STK32B: variants seen among roughly 807,000 people sequenced by gnomAD.
STK32B encodes the protein serine/threonine-protein kinase 32B.
A neutral mutation model predicts 52.6 loss-of-function variants in STK32B; 43 were observed. The ratio of observed to expected loss-of-function variants is 0.82; its 90% confidence interval spans 0.64 to 1.05. The LOEUF is 1.05. Among genes scored for constraint, STK32B ranks in the 50% least tolerant of loss-of-function variants. STK32B has a pLI of 0.00. For missense variants in STK32B, 621 were observed against 534.6 expected, an observed-to-expected ratio of 1.16 and a Z score of -1.59; for synonymous variants, 238 against 204.3, an observed-to-expected ratio of 1.17 and a Z score of -1.41.
At position 5,207,595 on chromosome 4, in the gene STK32B, T is replaced by C. The variant is rs114290716; in HGVS notation, c.260+39145T>C. Among the ~76,000 whole-genome samples the C allele has an allele frequency of 8.2e-3, 1,250 of 152,064 alleles. 16 individuals are homozygous for C. Among genetic ancestry groups the C allele is most frequent in the African/African-American group, 0.028 (1,168 of 41,520 alleles). ...AGTATGAAAATGGACTAATACACCC[T>C]GTGACACCTGTCCCAGTCCGCGAGG... On this transcript the variant is annotated intron_variant, in intron 3 of 11. Transcript: ENST00000282908.
chr4:5,351,416 T>C (rs758524021), intron 4 of STK32B, among the ~76,000 whole-genome samples: 7 of 151,756 alleles, frequency 4.6e-5, no homozygotes, highest in Admixed American at 1.3e-4. Flanking sequence ...TTAAAACAAA[T>C]GAAAACCAAG....
At chr4:5,212,086 G>A (rs1722938359) in intron 3 of STK32B, among the ~76,000 whole-genome samples, 2 of 152,178 alleles carry the variant, frequency 1.3e-5, no homozygotes, top group Admixed American at 1.3e-4. Context: ...CAGGACACAG[G>A]CGATTTTATT....
intron 2 of STK32B, among the ~76,000 whole-genome samples, chr4:5,163,262 G>A (rs1718584925): frequency 6.6e-6 from 1 of 152,172 alleles, no homozygotes; most frequent in African/African-American, 2.4e-5. Context: ...AACAGGAACT[G>A]AGTTGGCAAG....
intron 11 of STK32B, among the ~76,000 whole-genome samples, chr4:5,495,849 C>T (rs1285207737): frequency 6.6e-6 from 1 of 152,150 alleles, no homozygotes; most frequent in Non-Finnish European, 1.5e-5. Context: ...CACTCCAGAC[C>T]CTGTTTGCCT....
At chr4:5,035,126 A>G in the STK32B span, among the ~76,000 whole-genome samples, 97 of 152,292 alleles carry the variant, frequency 6.4e-4, no homozygotes, top group East Asian at 0.015. Flanking sequence ...GCCACTTACC[A>G]GCAACAGAAC....
chr4:5,043,858 T>A, the STK32B span, among the ~76,000 whole-genome samples: 1 of 152,218 alleles, frequency 6.6e-6, no homozygotes, highest in Non-Finnish European at 1.5e-5. Flanking sequence ...CTTCTCGGGC[T>A]CCCAGCCCAG....
chr4:5,223,831 A>AAT (rs1018674056), intron 3 of STK32B, among the ~76,000 whole-genome samples: 2 of 151,656 alleles, frequency 1.3e-5, no homozygotes, highest in African/African-American at 4.8e-5. Context: ...AAAAAAAAAA[A>AAT]AAAAGTAACA....
At position 5,416,780 on chromosome 4, in the gene STK32B, C is replaced by T. The variant is rs900619118; in HGVS notation, c.473-65C>T. On this transcript the variant is annotated intron_variant, in intron 5 of 11. Transcript: ENST00000282908. Reference sequence around the variant, plus strand: ...TCACGGTATCTCACCTTGCAAACCACAGCTTTAAATAACCCAGCTGCCTGC... The same window carrying T: ...TCACGGTATCTCACCTTGCAAACCATAGCTTTAAATAACCCAGCTGCCTGC... The T allele has an allele frequency of 1.1e-5, 16 of 1,439,714 alleles. No homozygotes were observed. The South Asian group carries it at 1.1e-4, about 10-fold the overall frequency. 89.2% of individuals were successfully genotyped at this position (1,439,714 alleles called of 1,614,324 possible). A position where few individuals can be genotyped will look rare whatever the true frequency, so the allele number is the denominator to read the frequency against.
intron 1 of STK32B, among the ~76,000 whole-genome samples, chr4:5,066,677 C>G (rs927238102): frequency 6.6e-6 from 1 of 152,200 alleles, no homozygotes; most frequent in African/African-American, 2.4e-5. Flanking sequence ...GTCCCATAAA[C>G]TTAGCTATTT....
intron 4 of STK32B, chr4:5,345,306 TCTC>T (rs966032273): frequency 6.1e-5 from 8 of 130,582 alleles, no homozygotes; most frequent in East Asian, 2.6e-4. Context: ...AAGTTATAAT[TCTC>T]CTTTTTTTTT....
chr4:5,316,217 A>AGT (rs1422969874), intron 3 of STK32B, among the ~76,000 whole-genome samples: 13 of 70,272 alleles, frequency 1.8e-4, no homozygotes, highest in African/African-American at 9.8e-4. Flanking sequence ...TATATTACAT[A>AGT]ATATATTATA....
At chr4:5,122,660 T>TTCACTCATTCATTTACTCATTCAC (rs1715130340) in intron 1 of STK32B, among the ~76,000 whole-genome samples, 1 of 152,188 alleles carries the variant, frequency 6.6e-6, no homozygotes, top group Non-Finnish European at 1.5e-5. Context: ...CATTCATTCA[T>TTCACTCATTCATTTACTCATTCAC]TCACTCATTC....
intron 1 of STK32B, among the ~76,000 whole-genome samples, chr4:5,126,119 C>G (rs1203512956): frequency 6.6e-6 from 1 of 152,228 alleles, no homozygotes; most frequent in Non-Finnish European, 1.5e-5. Context: ...GTCTGTTTGT[C>G]TTCTCATACC....
intron 3 of STK32B, among the ~76,000 whole-genome samples, chr4:5,237,073 G>A (rs567402846): frequency 2.6e-5 from 4 of 152,274 alleles, no homozygotes; most frequent in Admixed American, 2.6e-4. Context: ...TGGGGCACAC[G>A]GAGAAAAAAG....
At chr4:5,292,413 T>C (rs1202406771) in intron 3 of STK32B, among the ~76,000 whole-genome samples, 2 of 152,180 alleles carry the variant, frequency 1.3e-5, no homozygotes, top group Non-Finnish European at 2.9e-5. Flanking sequence ...AGCAGTTTTT[T>C]CATGTTTGTT....
chr4:5,076,507 G>A (rs929319794), intron 1 of STK32B, among the ~76,000 whole-genome samples: 1 of 152,062 alleles, frequency 6.6e-6, no homozygotes, highest in African/African-American at 2.4e-5. Context: ...AAAGCATAGG[G>A]GCATTTTTAA....
intron 5 of STK32B, among the ~76,000 whole-genome samples, chr4:5,404,773 A>G (rs1737543748): frequency 1.3e-5 from 2 of 150,800 alleles, no homozygotes; most frequent in African/African-American, 2.4e-5. Context: ...GCCACATTCT[A>G]TGGTAATGGG....
In STK32B at chr4:5,274,892, C is replaced by A. The variant is rs183909131; in HGVS notation, c.261-56328C>A. Among the ~76,000 whole-genome samples, 546 of 152,310 alleles carry A rather than the reference C, an allele frequency of 3.6e-3. 2 individuals carry two copies. The highest frequency in any genetic ancestry group is 0.012 in the African/African-American group (490 of 41,566). On this transcript the variant is annotated intron_variant, in intron 3 of 11. Coordinates refer to ENST00000282908, the MANE Select transcript of STK32B (RefSeq NM_018401.3). Reference sequence around the variant, plus strand: ...CCGCTATGCTCCTGATCCAGCGAGGCGCCCATTGCCACTCCTGATCGGGCT... The same window carrying A: ...CCGCTATGCTCCTGATCCAGCGAGGAGCCCATTGCCACTCCTGATCGGGCT...
rs561627269 is a variant in STK32B, at chr4:5,322,847, G to T, written c.261-8373G>T. ...AACTCCAGATTTCCCCCAGCAACAGGCACTGCCTCCCTCATATGTGTTCAC... is the reference window on the plus strand; with the variant it reads ...AACTCCAGATTTCCCCCAGCAACAGTCACTGCCTCCCTCATATGTGTTCAC... On this transcript the variant is annotated intron_variant, in intron 3 of 11. Coordinates refer to ENST00000282908, the MANE Select transcript of STK32B (RefSeq NM_018401.3). Among the ~76,000 whole-genome samples, 28 of 152,284 alleles carry T rather than the reference G, an allele frequency of 1.8e-4. No homozygotes were observed. The South Asian group carries it at 5.4e-3, about 29-fold the overall frequency.
Sources: gnomAD v4.1 joint callset for allele counts (sites outside exome capture counted in the v4.1 genomes callset) on GRCh38, gnomAD v4.1.1 for gene constraint, MANE v1.5 for transcripts, NCBI Gene and HGNC (gene_info 2026-07-23, HGNC 2026-07-21) for gene names.